Variants in HOPX observed in about 807,000 individuals in gnomAD.
The protein encoded by HOPX is HOP homeobox, also known as homeodomain-only protein.
Under a neutral mutation model 11.8 loss-of-function variants are expected in HOPX, and 5 were observed. The observed-to-expected ratio is 0.43, with a 90% CI of 0.22 to 0.89. The LOEUF (loss-of-function observed/expected upper bound fraction) is 0.89, where lower values mean the gene tolerates loss of function less well. Ranked by LOEUF, HOPX falls within the 40% of genes least tolerant of loss-of-function variation. HOPX has a pLI of 0.28. For missense variants in HOPX, 119 were observed against 120.0 expected (o/e 0.99, Z 0.04); for synonymous variants, 49 against 49.7 (o/e 0.99, Z 0.06).
intron 2 of HOPX, among the ~76,000 whole-genome samples, chr4:56,657,524 G>C (rs1243554896): frequency 2.6e-5 from 4 of 152,092 alleles, no homozygotes; most frequent in African/African-American, 7.2e-5. Context: ...CACTCTGAAG[G>C]GGCTTTCAGG....
At chr4:56,655,165 T>C (rs1384757755) in intron 3 of HOPX, among the ~76,000 whole-genome samples, 1 of 152,190 alleles carries the variant, frequency 6.6e-6, no homozygotes, top group African/African-American at 2.4e-5. Flanking sequence ...ATGTTAGCTA[T>C]CTACCGTCTT....
At chr4:56,672,001 A>G (rs907534383) in intron 1 of HOPX, among the ~76,000 whole-genome samples, 1 of 152,084 alleles carries the variant, frequency 6.6e-6, no homozygotes, top group Non-Finnish European at 1.5e-5. Flanking sequence ...AATTATCAAC[A>G]CTACATAAAT....
At chr4:56,681,451 T>G, upstream of HOPX, 1 of 989,962 alleles carries the variant, frequency 1.0e-6, no homozygotes, top group Non-Finnish European at 1.2e-6. Context: ...ATGCCGAGGT[T>G]ACGTCTCTCC....
rs28704680 is a variant in HOPX, at chr4:56,674,876, T to G, written c.-84+6379A>C. Reference sequence around the variant, plus strand: ...AACCTTCCCGCCTCAGTCTCCCAAGTAGCTAAAACTACAAGTGTGTGCCAC... The same window carrying G: ...AACCTTCCCGCCTCAGTCTCCCAAGGAGCTAAAACTACAAGTGTGTGCCAC... On this transcript the variant is annotated intron_variant, in intron 1 of 3. Coordinates refer to ENST00000420433, the MANE Select transcript of HOPX (RefSeq NM_032495.6). Among the ~76,000 whole-genome samples the G allele has an allele frequency of 1.7e-3, 251 of 144,296 alleles. 10 individuals carry two copies. Among genetic ancestry groups the G allele is most frequent in the African/African-American group, 6.2e-3 (232 of 37,616 alleles). The allele number at this position is 144,296 out of a possible 152,430, so 94.7% of individuals were successfully genotyped here. A position where few individuals can be genotyped will look rare whatever the true frequency, so the allele number is the denominator to read the frequency against.
chr4:56,681,591 T>C, upstream of HOPX: 33 of 1,000,100 alleles, frequency 3.3e-5, no homozygotes, highest in Non-Finnish European at 4.0e-5. Context: ...ATAAGAGAGA[T>C]GTGGCTGAGA....
At chr4:56,649,917 G>A (rs894434675) in intron 3 of HOPX, 2 of 152,376 alleles carry the variant, frequency 1.3e-5, no homozygotes, top group Admixed American at 6.5e-5. Context: ...GGAAACAGAT[G>A]AGCAAGCATT....
intron 3 of HOPX, chr4:56,649,365 A>G (rs1251181908): frequency 1.3e-5 from 2 of 152,282 alleles, no homozygotes; most frequent in Non-Finnish European, 2.9e-5. Context: ...CCCCAGATAG[A>G]TCTCTATGGC....
chr4:56,648,996 T>TAGGA (rs1331684777), intron 3 of HOPX, 199 bp from the exon 4 acceptor site: 6 of 474,938 alleles, frequency 1.3e-5, no homozygotes, highest in Admixed American at 6.7e-5. Flanking sequence ...GTTTAGAATA[T>TAGGA]TCTCTCTTTA....
chr4:56,653,786 G>T (rs4111722), intron 3 of HOPX, among the ~76,000 whole-genome samples: 17,975 of 152,222 alleles, frequency 0.12, 1,403 homozygotes, highest in East Asian at 0.27. Flanking sequence ...ATGGCAGAAG[G>T]GGGGAAATGG....
chr4:56,681,533 C>T (rs1719325244), upstream of HOPX: 3 of 999,842 alleles, frequency 3.0e-6, no homozygotes, highest in African/African-American at 1.7e-5. Flanking sequence ...ACTATCTTCT[C>T]GTCCCTGACC....
chr4:56,655,929 G>A lies in HOPX; in HGVS notation c.126C>T (p.Val42=). The A allele has an allele frequency of 6.2e-7, 1 of 1,611,862 alleles. No homozygotes were observed. Among genetic ancestry groups the A allele is most frequent in the Non-Finnish European group, 8.5e-7 (1 of 1,179,092 alleles). Residue 42 remains valine (V), a synonymous_variant, in exon 3 of 4, where the codon GTC becomes GTT. Transcript: ENST00000420433. The part of the protein sequence containing the change: ...VEILEYNFNK[V]DKHPDSTTLC... Reference sequence around the variant, plus strand: ...GCGTGGTGGAATCCGGGTGCTTGTCGACCTTGTTGAAGTTGTACTCCAGGA... The same window carrying A: ...GCGTGGTGGAATCCGGGTGCTTGTCAACCTTGTTGAAGTTGTACTCCAGGA...
Position 56,648,787 on chromosome 4 carries a change from T to C in HOPX, c.209A>G (p.Lys70Arg), listed in dbSNP as rs780239086. ...GCGCCGCCACTTTGCCAGGCGCTGCTTAAACCATTTCTGGAAGAGAGAAAT... is the reference window on the plus strand; with the variant it reads ...GCGCCGCCACTTTGCCAGGCGCTGCCTAAACCATTTCTGGAAGAGAGAAAT... The part of the protein sequence containing the change: ...LSEEETQKWF[K>R]QRLAKWRRSE... Residue 70 changes from lysine to arginine, a missense_variant, in exon 4 of 4, where the codon AAG (lysine) becomes AGG (arginine). Coordinates refer to ENST00000420433, the MANE Select transcript of HOPX (RefSeq NM_032495.6). The C allele has an allele frequency of 2.3e-5, 37 of 1,608,442 alleles. No individual in the cohort carries two copies. The highest frequency in any genetic ancestry group is 1.4e-4 in the South Asian group (13 of 90,706).
At position 56,648,512 on chromosome 4, in the gene HOPX, T is replaced by G. The variant is rs768445644; in HGVS notation, c.*208A>C. On this transcript the variant is annotated 3_prime_UTR_variant, in exon 4 of 4. Coordinates refer to ENST00000420433, the MANE Select transcript of HOPX (RefSeq NM_032495.6). ...CATTTTTCCAGTGAAGCCACTGCTTTACACAGAAGATACACATAGCTTCCT... is the reference window on the plus strand; with the variant it reads ...CATTTTTCCAGTGAAGCCACTGCTTGACACAGAAGATACACATAGCTTCCT... 1 of 413,170 alleles carries G rather than the reference T, an allele frequency of 2.4e-6. No homozygotes were observed. The highest frequency in any genetic ancestry group is 1.0e-4 in the South Asian group (1 of 9,880). The allele number at this position is 413,170 out of a possible 1,614,324, so 25.6% of individuals were successfully genotyped here.
At position 56,650,697 on chromosome 4, in the gene HOPX, G is replaced by A. The variant is rs535907950; in HGVS notation, c.199-1900C>T. The stretch of plus-strand genomic sequence containing the variant: ...ATCTTACATACCTTTACACTGGGGC[G>A]GCAGTAGAGAAAAGTAATCGAAAGC... On this transcript the variant is annotated intron_variant, in intron 3 of 3. Transcript: ENST00000420433. 2.0e-4 allele frequency: 318 copies of A among 1,551,678 alleles called. 2 individuals carry two copies. Among genetic ancestry groups the A allele is most frequent in the South Asian group, 2.0e-3 (171 of 84,048 alleles).
intron 1 of HOPX, among the ~76,000 whole-genome samples, chr4:56,671,475 A>G (rs1578358546): frequency 1.3e-5 from 2 of 152,102 alleles, no homozygotes; most frequent in East Asian, 1.9e-4. Context: ...TTCTTATTTT[A>G]TGACTATAAT....
At chr4:56,670,901 G>T (rs1718696249) in intron 1 of HOPX, among the ~76,000 whole-genome samples, 2 of 151,940 alleles carry the variant, frequency 1.3e-5, no homozygotes, top group African/African-American at 4.8e-5. Context: ...GGAGGCTGAG[G>T]TAGGAGAATC....
chr4:56,657,692 A>G, intron 2 of HOPX, 83 bp downstream of exon 2: 1 of 728,880 alleles, frequency 1.4e-6, no homozygotes, highest in Non-Finnish European at 2.5e-6. Flanking sequence ...ATACCAGGTC[A>G]GAAACACTTC....
intron 1 of HOPX, chr4:56,680,228 G>C (rs1719257108): frequency 6.6e-6 from 1 of 152,136 alleles, no homozygotes; most frequent in African/African-American, 2.4e-5. Context: ...GGGGTGGAAG[G>C]GGAGGCTCAG....
At chr4:56,670,768 G>A (rs567698963) in intron 1 of HOPX, among the ~76,000 whole-genome samples, 153 of 152,240 alleles carry the variant, frequency 1.0e-3, no homozygotes, top group Middle Eastern at 3.4e-3. Context: ...AGGCTGAGGC[G>A]AGCGGATTAC....
Sources: gnomAD v4.1 joint callset for allele counts (sites outside exome capture counted in the v4.1 genomes callset) on GRCh38, gnomAD v4.1.1 for gene constraint, MANE v1.5 for transcripts, NCBI Gene and HGNC (gene_info 2026-07-23, HGNC 2026-07-21) for gene names.